FADS2: variants seen among roughly 807,000 people sequenced by gnomAD.
FADS2 encodes the protein fatty acid desaturase 2.
Under a neutral mutation model 61.2 loss-of-function variants are expected in FADS2, and 18 were observed. The observed-to-expected ratio is 0.29, with a 90% CI of 0.20 to 0.44. The LOEUF (loss-of-function observed/expected upper bound fraction) is 0.44, where lower values mean the gene tolerates loss of function less well. Ranked by LOEUF, FADS2 falls within the 20% of genes least tolerant of loss-of-function variation. FADS2 has a pLI of 1.00. For synonymous variants in FADS2, 203 were observed against 223.9 expected (o/e 0.91, Z 0.83); for missense variants, 322 against 572.7 (o/e 0.56, Z 4.47).
At chr11:61,849,851 G>A (rs1034404008) in intron 5 of FADS2, 6 of 152,046 alleles carry the variant, frequency 3.9e-5, no homozygotes, top group Non-Finnish European at 8.8e-5. Context: ...GCTACATAGT[G>A]AGACCCCATC....
At chr11:61,848,426 G>A (rs765667632) in intron 5 of FADS2, 142 bp downstream of exon 5, 2 of 1,431,770 alleles carry the variant, frequency 1.4e-6, no homozygotes, top group East Asian at 2.3e-5. Context: ...ACGACTAAGG[G>A]GTTGGTGTTG....
At chr11:61,827,459 T>A, upstream of FADS2, 1 of 152,224 alleles carries the variant, frequency 6.6e-6, no homozygotes, top group Non-Finnish European at 1.5e-5. The surrounding 1 kb of genome is among the most constrained non-coding windows in gnomAD (Gnocchi z 4.5). Flanking sequence ...TAAGATTGTC[T>A]GACTAGAGGG....
chr11:61,824,429 AGAGAGGGAGG>A (rs1565325154), upstream of FADS2, among the ~76,000 whole-genome samples: 1 of 7,534 alleles, frequency 1.3e-4, no homozygotes, highest in East Asian at 0.012. Flanking sequence ...AGAGAGAGAG[AGAGAGGGAGG>A]GAGGGAGGGA....
rs750921370 is a variant in FADS2 at position 61,863,246 on chromosome 11, C to A, written c.981-36C>A. On this transcript the variant is annotated intron_variant, in intron 8 of 11. Coordinates refer to ENST00000278840, the MANE Select transcript of FADS2 (RefSeq NM_004265.4). ...ATCTGTTCCCACTGTGGCTGGGCCC[C>A]CGGAGGCCCCTGCGCTGAGCTGTGT... The A allele has an allele frequency of 4.5e-6, 7 of 1,569,048 alleles. No homozygotes were observed. The South Asian group carries it at 7.8e-5, about 17-fold the overall frequency.
At chr11:61,825,332 T>A (rs886220714), upstream of FADS2, among the ~76,000 whole-genome samples, 1 of 151,910 alleles carries the variant, frequency 6.6e-6, no homozygotes, top group Admixed American at 6.6e-5. Context: ...CAAAGGATAT[T>A]CTAGGCTGGG....
At chr11:61,829,664 G>A (rs1264480265) in intron 1 of FADS2, among the ~76,000 whole-genome samples, 3 of 152,166 alleles carry the variant, frequency 2.0e-5, no homozygotes, top group Non-Finnish European at 4.4e-5. Flanking sequence ...ATTGGATGCA[G>A]AGAAAAAAGG....
chr11:61,821,687 G>T (rs1281004100), intron 1 of FADS2, among the ~76,000 whole-genome samples: 1 of 152,186 alleles, frequency 6.6e-6, no homozygotes, highest in African/African-American at 2.4e-5. Context: ...ACTTATGGGG[G>T]TGCAGTGACT....
chr11:61,840,608 G>T lies in FADS2; in HGVS notation c.517-16G>T, dbSNP rs368344765. On this transcript the variant is annotated splice_polypyrimidine_tract_variant and intron_variant, in intron 3 of 11. Transcript: ENST00000278840. ...TTGCTGAGGCTGTGACAGCACGTGT[G>T]ACCCTCTCTCCCCAGGCCCAAGCTG... is the stretch of plus-strand genomic sequence containing the variant. 6 of 1,613,776 alleles carry T rather than the reference G, an allele frequency of 3.7e-6. No homozygotes were observed. In the Admixed American group the frequency reaches 6.7e-5, roughly 18 times the overall value.
chr11:61,828,984 GC>G lies in FADS2; in HGVS notation c.207+388del, dbSNP rs2067105357. Among the ~76,000 whole-genome samples the G allele has an allele frequency of 6.6e-6, 1 of 152,372 alleles. No homozygotes were observed. Among genetic ancestry groups the G allele is most frequent in the South Asian group, 2.1e-4 (1 of 4,832 alleles). On this transcript the variant is annotated intron_variant, in intron 1 of 11. Transcript: ENST00000278840. This position sits in a 1 kb window ranked among gnomAD's most constrained non-coding sequence, Gnocchi z 6.4. ...CCCAGCGGGGAAGATGGCCGCCCCTGCGCGCCGCTGAAAGGAGCGGGAGCGC... is the reference window on the plus strand; with the variant it reads ...CCCAGCGGGGAAGATGGCCGCCCCTGGCGCCGCTGAAAGGAGCGGGAGCGC...
upstream of FADS2, chr11:61,826,117 G>T (rs1340103871): frequency 4.0e-5 from 28 of 702,452 alleles, no homozygotes; most frequent in Non-Finnish European, 7.0e-5. Flanking sequence ...CTGCTTTACG[G>T]ATGTCCAAGC....
chr11:61,849,151 T>C (rs2067285738), intron 5 of FADS2, among the ~76,000 whole-genome samples: 1 of 152,194 alleles, frequency 6.6e-6, no homozygotes, highest in African/African-American at 2.4e-5. Flanking sequence ...TGCCTCGGCT[T>C]CCCAAAGTGC....
intron 4 of FADS2, among the ~76,000 whole-genome samples, chr11:61,842,523 T>G (rs2067224971): frequency 6.6e-6 from 1 of 152,128 alleles, no homozygotes; most frequent in Non-Finnish European, 1.5e-5. Flanking sequence ...TTGCCCTCAG[T>G]CTTTGAGGGG....
At chr11:61,864,584 G>C (rs750647242) in intron 10 of FADS2, among the ~76,000 whole-genome samples, 1 of 151,702 alleles carries the variant, frequency 6.6e-6, no homozygotes, top group African/African-American at 2.4e-5. Context: ...TAGTGGAGAC[G>C]GGGTTTCACC....
rs780154123 is a variant in FADS2 at position 61,828,440 on chromosome 11, C to T, written c.50C>T (p.Ser17Leu). Residue 17 changes from serine to leucine, a missense_variant, in exon 1 of 12, where the codon TCG (serine) becomes TTG (leucine). Physicochemically the swap from Ser to Leu is moderately radical, Grantham distance 145. Around this residue, in one of 3 missense-constraint regions of FADS2, gnomAD observed 61 missense variants for 107.4 expected, o/e 0.57. Coordinates refer to ENST00000278840, the MANE Select transcript of FADS2 (RefSeq NM_004265.4). This position sits in a 1 kb window ranked among gnomAD's most constrained non-coding sequence, Gnocchi z 6.4. Reference sequence around the variant, plus strand: ...GAGGGGGCCGCCGAGCGCGAGGTGTCGGTGCCCACCTTCAGCTGGGAGGAG... The same window carrying T: ...GAGGGGGCCGCCGAGCGCGAGGTGTTGGTGCCCACCTTCAGCTGGGAGGAG... ...QGEGAAEREVSVPTFSWEEIQ... is the reference protein window; with the variant it reads ...QGEGAAEREVLVPTFSWEEIQ... 4 of 1,593,934 alleles carry T rather than the reference C, an allele frequency of 2.5e-6. No homozygotes were observed. In the Admixed American group the frequency reaches 5.5e-5, roughly 22 times the overall value.
At chr11:61,823,724 C>T (rs761002645), upstream of FADS2, among the ~76,000 whole-genome samples, 114 of 152,072 alleles carry the variant, frequency 7.5e-4, no homozygotes, top group Non-Finnish European at 9.4e-4. Context: ...ACTGTGTTGC[C>T]CAGGCTGGTC....
chr11:61,831,298 T>G (rs1316685465), intron 1 of FADS2, among the ~76,000 whole-genome samples: 1 of 152,124 alleles, frequency 6.6e-6, no homozygotes, highest in Admixed American at 6.5e-5. Context: ...GAGTGACAAT[T>G]TATGGACCAG....
chr11:61,826,870 G>C (rs2067090507), upstream of FADS2, among the ~76,000 whole-genome samples: 1 of 152,076 alleles, frequency 6.6e-6, no homozygotes, highest in Admixed American at 6.5e-5. Context: ...GATTGGGCAG[G>C]GCCCGTTTGA....
chr11:61,817,924 G>A (rs1233754731), intron 1 of FADS2, among the ~76,000 whole-genome samples: 1 of 152,208 alleles, frequency 6.6e-6, no homozygotes, highest in Non-Finnish European at 1.5e-5. Context: ...CTATGAGGTT[G>A]GAACAATTAA....
At chr11:61,827,587 G>C (rs2067094644), upstream of FADS2, among the ~76,000 whole-genome samples, 1 of 152,244 alleles carries the variant, frequency 6.6e-6, no homozygotes, top group Non-Finnish European at 1.5e-5. The surrounding 1 kb of genome is among the most constrained non-coding windows in gnomAD (Gnocchi z 4.5). Context: ...GCGCGCCAAG[G>C]AAGGGCGTCA....
Sources: allele counts gnomAD v4.1 joint callset (sites outside exome capture counted in the v4.1 genomes callset), GRCh38; gene constraint gnomAD v4.1.1; regional missense constraint gnomAD v4.1.1; non-coding constraint Gnocchi (gnomAD v3.1); transcripts MANE v1.5; gene names NCBI Gene and HGNC (gene_info 2026-07-23, HGNC 2026-07-21).